Variants in DGKK observed in about 807,000 individuals in gnomAD.
DGKK encodes the protein 142 kDa diacylglycerol kinase.
In DGKK, 35 loss-of-function variants were observed where a neutral mutation model predicts 92.2. The observed-to-expected ratio is 0.38, with a 90% CI of 0.29 to 0.50. The LOEUF is 0.50. DGKK is among the 20% of genes least tolerant of loss of function. The pLI is 0.92. For missense variants in DGKK, 910 were observed against 992.2 expected (o/e 0.92, Z 1.11); for synonymous variants, 368 against 360.6 (o/e 1.02, Z -0.23).
chrX:50,443,784 C>A (rs1458966513), intron 1 of DGKK, among the ~76,000 whole-genome samples: 1 of 108,713 alleles, frequency 9.2e-6, no homozygotes, highest in African/African-American at 3.4e-5. Flanking sequence ...TAACTATCAC[C>A]ACAATCAAGA....
chrX:50,375,551 C>G (rs781810812), intron 24 of DGKK, among the ~76,000 whole-genome samples: 1 of 111,623 alleles, frequency 9.0e-6, no homozygotes, highest in Non-Finnish European at 1.9e-5. Context: ...TTAAAAGCAT[C>G]AGTTAACAAT....
intron 17 of DGKK, among the ~76,000 whole-genome samples, chrX:50,383,108 A>G (rs1358260366): frequency 1.8e-5 from 2 of 112,017 alleles, no homozygotes; most frequent in African/African-American, 6.5e-5. Context: ...AAAAAGCCAA[A>G]TTATTTGTCA....
chrX:50,389,334 C>G (rs782182926), intron 12 of DGKK, among the ~76,000 whole-genome samples: 1 of 112,155 alleles, frequency 8.9e-6, no homozygotes, highest in Admixed American at 9.4e-5. Context: ...TCCCTGCTAC[C>G]ACTTCACCAG....
chrX:50,430,100 G>A (rs782812203), intron 1 of DGKK, among the ~76,000 whole-genome samples: 17 of 112,407 alleles, frequency 1.5e-4, no homozygotes, highest in African/African-American at 4.5e-4. Flanking sequence ...ACATCTTGGA[G>A]TTAAAACATT....
At chrX:50,406,804 A>G (rs1394870921) in intron 4 of DGKK, among the ~76,000 whole-genome samples, 1 of 111,976 alleles carries the variant, frequency 8.9e-6, no homozygotes, top group East Asian at 2.8e-4. Context: ...TGTTGGTTTT[A>G]AGCCATCCAG....
intron 1 of DGKK, among the ~76,000 whole-genome samples, chrX:50,447,338 ATATATTATAT>A (rs2039908361): frequency 6.5e-5 from 1 of 15,420 alleles, no homozygotes; most frequent in African/African-American, 4.0e-4. Flanking sequence ...ATATATATAT[ATATATTATAT>A]ATATATATAA....
At position 50,470,587 on chromosome X, in the gene DGKK, G is replaced by A. The variant is rs781838837; in HGVS notation, c.92C>T (p.Pro31Leu). The change falls in exon 1 of 28, where the codon CCG becomes CTG. Residue 31 changes from proline (P) to leucine (L), a missense_variant. Coordinates refer to ENST00000611977, the MANE Select transcript of DGKK (RefSeq NM_001013742.4). ...CGGAGCCGGTGGTGGTGGCGGCGGCGGCCAAGGCGGCGGAGGCTCTGGAGA... is the reference window on the plus strand; with the variant it reads ...CGGAGCCGGTGGTGGTGGCGGCGGCAGCCAAGGCGGCGGAGGCTCTGGAGA... ...AESPEPPPPW[P>L]PPPPPPAPPP... 1.8e-5 allele frequency: 21 copies of A among 1,195,254 alleles called. No individual in the cohort carries two copies. In the East Asian group the frequency reaches 2.4e-4, roughly 14 times the overall value.
chrX:50,379,410 C>T (rs1569544142), intron 20 of DGKK, among the ~76,000 whole-genome samples: 1 of 110,136 alleles, frequency 9.1e-6, no homozygotes, highest in Non-Finnish European at 1.9e-5. Flanking sequence ...GCAACACCTA[C>T]GAGTTGACCT....
intron 20 of DGKK, 64 bp from the exon 21 acceptor site, chrX:50,378,755 A>G: frequency 1.1e-6 from 1 of 901,292 alleles, no homozygotes; most frequent in African/African-American, 1.9e-5. Context: ...CTATAACAAG[A>G]AGGCATGTTT....
At position 50,390,340 on chromosome X, in the gene DGKK, T is replaced by C; in HGVS notation, c.1914A>G (p.Val638=). ...PLLKGQVEMD[V]PRFEAAAIQH... ...GAACAGTAGTTACCTCAAATCGTGGTACATCCATTTCAACCTGTCCTTTTA... is the reference window on the plus strand; with the variant it reads ...GAACAGTAGTTACCTCAAATCGTGGCACATCCATTTCAACCTGTCCTTTTA... Residue 638 remains valine, a synonymous_variant, in exon 12 of 28, where the codon GTA becomes GTG. Coordinates refer to ENST00000611977, the MANE Select transcript of DGKK (RefSeq NM_001013742.4). The C allele has an allele frequency of 1.7e-6, 2 of 1,210,643 alleles. No homozygotes were observed. Among genetic ancestry groups the C allele is most frequent in the Non-Finnish European group, 1.1e-6 (1 of 894,343 alleles).
chrX:50,430,078 T>G (rs1925848993), intron 1 of DGKK, among the ~76,000 whole-genome samples: 1 of 112,476 alleles, frequency 8.9e-6, no homozygotes, highest in Admixed American at 9.4e-5. Flanking sequence ...TTTGCAGTTT[T>G]GAGACTTTGC....
intron 1 of DGKK, among the ~76,000 whole-genome samples, chrX:50,440,939 T>A (rs1474645643): frequency 8.9e-6 from 1 of 111,869 alleles, no homozygotes. Context: ...TTTCTCTGCT[T>A]ATTATAGAGA....
intron 1 of DGKK, among the ~76,000 whole-genome samples, chrX:50,456,930 G>T (rs1926625864): frequency 8.9e-6 from 1 of 111,833 alleles, no homozygotes; most frequent in African/African-American, 3.2e-5. Context: ...GGATGAGACT[G>T]CTGAGCTGAG....
At position 50,368,028 on chromosome X, in the gene DGKK, G is replaced by C. The variant is rs1289836639; in HGVS notation, c.*912C>G. ...GCACAATAAATTATAGGGTCACTTA[G>C]AGGTCGAGTTGTATTTTCAGCTCTT... On this transcript the variant is annotated 3_prime_UTR_variant, in exon 28 of 28. Transcript: ENST00000611977. 9.0e-6 allele frequency: 1 copy of C among 110,614 alleles called. No homozygotes were observed. 9.1% of individuals were successfully genotyped at this position (110,614 alleles called of 1,213,427 possible).
chrX:50,411,287 T>C (rs1364743135), intron 4 of DGKK, among the ~76,000 whole-genome samples: 1 of 111,975 alleles, frequency 8.9e-6, no homozygotes, highest in Non-Finnish European at 1.9e-5. Flanking sequence ...CTAATATCCC[T>C]GACAAACACA....
chrX:50,459,084 A>C (rs1479617783), intron 1 of DGKK, among the ~76,000 whole-genome samples: 1 of 111,883 alleles, frequency 8.9e-6, no homozygotes, highest in African/African-American at 3.2e-5. Flanking sequence ...TTGGATGATG[A>C]ATTTTGAATT....
chrX:50,384,676 G>A (rs781934516), intron 16 of DGKK, 44 bp downstream of exon 16: 6 of 1,119,059 alleles, frequency 5.4e-6, no homozygotes, highest in Non-Finnish European at 7.3e-6. Context: ...CTAAACAACA[G>A]TGACGAAGGC....
chrX:50,465,168 G>T (rs1057210595), intron 1 of DGKK, among the ~76,000 whole-genome samples: 6 of 111,596 alleles, frequency 5.4e-5, no homozygotes, highest in African/African-American at 2.0e-4. Context: ...AACTTAAGAT[G>T]ATTTCTCTTT....
chrX:50,437,089 C>T (rs1235022937), intron 1 of DGKK, among the ~76,000 whole-genome samples: 2 of 111,154 alleles, frequency 1.8e-5, no homozygotes, highest in Admixed American at 9.6e-5. Flanking sequence ...AAAAAATTAA[C>T]GTGGCCATAC....
Sources: gnomAD v4.1 joint callset for allele counts (sites outside exome capture counted in the v4.1 genomes callset) on GRCh38, gnomAD v4.1.1 for gene constraint, MANE v1.5 for transcripts, NCBI Gene and HGNC (gene_info 2026-07-23, HGNC 2026-07-21) for gene names.